The following NEBL variants were observed in gnomAD, a reference collection of about 807,000 sequenced individuals.
NEBL encodes the protein LIM and SH3 protein 2.
A neutral mutation model predicts 140.2 loss-of-function variants in NEBL; 122 were observed. That is an observed-to-expected ratio of 0.87 (90% CI 0.75 to 1.01). The LOEUF (loss-of-function observed/expected upper bound fraction) is 1.01. Among genes scored for constraint, NEBL ranks in the 50% least tolerant of loss-of-function variants. The pLI is 0.00. For synonymous variants in NEBL, 436 were observed against 398.9 expected (o/e 1.09, Z -1.11); for missense variants, 1,365 against 1,231.3 (o/e 1.11, Z -1.62).
intron 4 of NEBL, among the ~76,000 whole-genome samples, chr10:20,941,382 CA>C (rs566219398): frequency 7.0e-4 from 107 of 152,300 alleles, no homozygotes; most frequent in African/African-American, 2.5e-3. Context: ...CAAAATTCAA[CA>C]ACCTTCATGC....
chr10:20,882,977 T>A (rs1846158717), intron 4 of NEBL, among the ~76,000 whole-genome samples: 1 of 152,172 alleles, frequency 6.6e-6, no homozygotes. Flanking sequence ...ACTTCCAATG[T>A]GGGAAGACAC....
intron 5 of NEBL, among the ~76,000 whole-genome samples, chr10:20,878,300 T>C (rs186547831): frequency 4.6e-5 from 7 of 152,310 alleles, no homozygotes; most frequent in African/African-American, 1.2e-4. Context: ...CATAAAAAAG[T>C]TAGGCAAAGA....
intron 3 of NEBL, among the ~76,000 whole-genome samples, chr10:21,246,142 C>G (rs1055105146): frequency 6.6e-6 from 1 of 152,196 alleles, no homozygotes; most frequent in Non-Finnish European, 1.5e-5. Flanking sequence ...AACTTGACCA[C>G]AAACTCCTCT....
intron 3 of NEBL, among the ~76,000 whole-genome samples, chr10:20,963,585 G>C (rs1836156188): frequency 6.6e-6 from 1 of 152,046 alleles, no homozygotes; most frequent in Admixed American, 6.5e-5. Flanking sequence ...GGTAGTGATG[G>C]GTTCTCACTA....
intron 2 of NEBL, among the ~76,000 whole-genome samples, chr10:20,893,650 T>A (rs553372605): frequency 4.1e-4 from 63 of 152,328 alleles, no homozygotes; most frequent in African/African-American, 1.5e-3. Context: ...CCAATCTTGC[T>A]TAACATTTCT....
At chr10:20,815,743 G>C in intron 21 of NEBL, 26 bp from the exon 22 acceptor site, 1 of 1,393,152 alleles carries the variant, frequency 7.2e-7, no homozygotes, top group Non-Finnish European at 1.0e-6. Context: ...ACAAAAAATA[G>C]AATACTATGA....
chr10:20,936,831 C>A (rs1229571343), intron 4 of NEBL, among the ~76,000 whole-genome samples: 1 of 152,202 alleles, frequency 6.6e-6, no homozygotes, highest in Non-Finnish European at 1.5e-5. Flanking sequence ...ACATCTCCCA[C>A]CTTATGAATA....
intron 5 of NEBL, among the ~76,000 whole-genome samples, chr10:20,877,082 A>G (rs887001972): frequency 2.6e-5 from 4 of 152,354 alleles, no homozygotes; most frequent in Admixed American, 6.5e-5. Flanking sequence ...TACTTGTTTC[A>G]AATTAACTAT....
At chr10:20,797,198 A>T (rs1836635224) in intron 26 of NEBL, among the ~76,000 whole-genome samples, 1 of 152,228 alleles carries the variant, frequency 6.6e-6, no homozygotes, top group South Asian at 2.1e-4. Flanking sequence ...TGTATAAATC[A>T]ATATTTAATA....
rs540782901 is a variant in NEBL at position 21,057,902 on chromosome 10, C to T, written c.165-37701G>A. Among the ~76,000 whole-genome samples, 255 of 152,178 alleles carry T rather than the reference C, an allele frequency of 1.7e-3. 1 individual carries two copies. The highest frequency in any genetic ancestry group is 5.9e-3 in the African/African-American group (245 of 41,524). On this transcript the variant is annotated intron_variant, in intron 2 of 6. Coordinates refer to the NEBL transcript ENST00000417816. Reference sequence around the variant, plus strand: ...CATGAAAAGGATATTTAAAGCCAGACTTATTTTTGCATTTCCGAATTTCAT... The same window carrying T: ...CATGAAAAGGATATTTAAAGCCAGATTTATTTTTGCATTTCCGAATTTCAT...
At chr10:21,027,309 AAAC>A (rs779047728) in intron 2 of NEBL, among the ~76,000 whole-genome samples, 325 of 146,338 alleles carry the variant, frequency 2.2e-3, no homozygotes, top group Middle Eastern at 3.5e-3. Context: ...TTTAAAAAAA[AAAC>A]AACAACTTTT....
chr10:20,903,679 C>G (rs1298498333), intron 4 of NEBL, among the ~76,000 whole-genome samples: 1 of 152,028 alleles, frequency 6.6e-6, no homozygotes, highest in African/African-American at 2.4e-5. Flanking sequence ...CGGAATACAA[C>G]TCAGGCAGAA....
rs374940171 is a variant in NEBL, at chr10:20,937,525, CAG to C, written c.357+24145_357+24146del. On this transcript the variant is annotated intron_variant, in intron 4 of 6. Transcript: ENST00000417816. ...CTCCCAGTGTGAGTGACGCAGAAAA[CAG>C]ATGATTTCTGCATTTCCAACTGGGG... Among the ~76,000 whole-genome samples the C allele has an allele frequency of 7.5e-3, 1,140 of 152,240 alleles. 14 individuals are homozygous for C. The highest frequency in any genetic ancestry group is 0.026 in the African/African-American group (1,078 of 41,536).
intron 9 of NEBL, among the ~76,000 whole-genome samples, chr10:20,853,494 C>G (rs1842743692): frequency 6.6e-6 from 1 of 152,144 alleles, no homozygotes. Flanking sequence ...TGAACGAGAT[C>G]CTGCCATTTG....
intron 2 of NEBL, among the ~76,000 whole-genome samples, chr10:21,123,795 T>C (rs1157135971): frequency 6.6e-6 from 1 of 150,656 alleles, no homozygotes; most frequent in African/African-American, 2.4e-5. Context: ...TTATATATTA[T>C]ATAAATATAC....
intron 3 of NEBL, among the ~76,000 whole-genome samples, chr10:21,225,470 G>A (rs1842132516): frequency 6.6e-6 from 1 of 152,158 alleles, no homozygotes; most frequent in African/African-American, 2.4e-5. Flanking sequence ...CTTCTCTTGA[G>A]GGTGGCAAGT....
At chr10:20,954,326 G>C (rs770260416) in intron 4 of NEBL, among the ~76,000 whole-genome samples, 1 of 152,158 alleles carries the variant, frequency 6.6e-6, no homozygotes. Context: ...ACAAATGGTC[G>C]ATACATTTGT....
intron 3 of NEBL, among the ~76,000 whole-genome samples, chr10:21,011,073 T>C (rs1838320396): frequency 6.6e-6 from 1 of 152,206 alleles, no homozygotes; most frequent in South Asian, 2.1e-4. Flanking sequence ...CTTTTATTGC[T>C]ACATTGAGAC....
chr10:21,035,947 G>A (rs1463929438), intron 2 of NEBL, among the ~76,000 whole-genome samples: 1 of 152,124 alleles, frequency 6.6e-6, no homozygotes, highest in Non-Finnish European at 1.5e-5. Flanking sequence ...CGGATCACTT[G>A]AGGTCAAAAG....
Sources: allele counts gnomAD v4.1 joint callset (sites outside exome capture counted in the v4.1 genomes callset), GRCh38; gene constraint gnomAD v4.1.1; transcripts MANE v1.5; gene names NCBI Gene and HGNC (gene_info 2026-07-23, HGNC 2026-07-21).